The following RGS21 variants were observed in gnomAD, a reference collection of about 807,000 sequenced individuals.
RGS21 encodes regulator of G protein signaling 21, also known as regulator of G-protein signalling 21.
Under a neutral mutation model 18.7 loss-of-function variants are expected in RGS21, and 19 were observed. That is an observed-to-expected ratio of 1.01 (90% CI 0.71 to 1.49). The LOEUF is 1.49. Among genes scored for constraint, RGS21 ranks in the 40% most tolerant of loss-of-function variants. The pLI is 0.00. For missense variants in RGS21, 194 were observed against 176.8 expected, an observed-to-expected ratio of 1.10 and a Z score of -0.55; for synonymous variants, 56 against 57.8, an observed-to-expected ratio of 0.97 and a Z score of 0.14.
chr1:192,359,655 G>GTGTATATA (rs1553241170), intron 4 of RGS21, among the ~76,000 whole-genome samples: 16 of 124,274 alleles, frequency 1.3e-4, no homozygotes, highest in African/African-American at 1.8e-4. Context: ...GTGTGTGTGT[G>GTGTATATA]TATATATATA....
At chr1:192,360,646 C>T (rs908344968) in intron 4 of RGS21, among the ~76,000 whole-genome samples, 1 of 152,076 alleles carries the variant, frequency 6.6e-6, no homozygotes, top group Non-Finnish European at 1.5e-5. Flanking sequence ...TTAAAATTCT[C>T]CTCGTTGGCC....
At chr1:192,331,804 C>A (rs2102225230) in intron 1 of RGS21, among the ~76,000 whole-genome samples, 1 of 151,862 alleles carries the variant, frequency 6.6e-6, no homozygotes, top group South Asian at 2.1e-4. Context: ...ACACAAGGGT[C>A]TCTACTTTTG....
intron 1 of RGS21, among the ~76,000 whole-genome samples, chr1:192,324,963 CAG>C (rs1658547240): frequency 6.6e-6 from 1 of 152,026 alleles, no homozygotes; most frequent in Non-Finnish European, 1.5e-5. Context: ...TTGGTGATAA[CAG>C]AGTTAAATCT....
At chr1:192,328,345 G>T (rs1658598313) in intron 1 of RGS21, among the ~76,000 whole-genome samples, 1 of 152,136 alleles carries the variant, frequency 6.6e-6, no homozygotes, top group Admixed American at 6.5e-5. Flanking sequence ...AACACAGATG[G>T]TTACCTAAAA....
intron 4 of RGS21, among the ~76,000 whole-genome samples, chr1:192,353,388 T>C (rs1186132837): frequency 6.6e-6 from 1 of 151,946 alleles, no homozygotes; most frequent in Non-Finnish European, 1.5e-5. Context: ...AACATTTATT[T>C]CCAAGTCATC....
intron 1 of RGS21, among the ~76,000 whole-genome samples, chr1:192,329,218 G>C (rs989098207): frequency 6.6e-6 from 1 of 151,994 alleles, no homozygotes; most frequent in Non-Finnish European, 1.5e-5. Flanking sequence ...CAGTGATATT[G>C]AGTATCTAAC....
chr1:192,337,495 C>A (rs924271926), intron 1 of RGS21, among the ~76,000 whole-genome samples: 1 of 152,012 alleles, frequency 6.6e-6, no homozygotes, highest in African/African-American at 2.4e-5. Flanking sequence ...TCTCCCATGA[C>A]TGCTACTCTG....
chr1:192,334,525 T>C (rs1248090409), intron 1 of RGS21, among the ~76,000 whole-genome samples: 1 of 152,128 alleles, frequency 6.6e-6, no homozygotes, highest in Admixed American at 6.5e-5. Flanking sequence ...TGGACATTGT[T>C]TCTATTTCTA....
chr1:192,338,955 C>G (rs1658811423), intron 1 of RGS21, among the ~76,000 whole-genome samples: 1 of 152,048 alleles, frequency 6.6e-6, no homozygotes, highest in South Asian at 2.1e-4. Flanking sequence ...TTTAGCCCTT[C>G]CCCTTTCTAG....
At chr1:192,348,959 TAGAAATAATTAG>T (rs372042710) in intron 3 of RGS21, among the ~76,000 whole-genome samples, 77,559 of 151,942 alleles carry the variant, frequency 0.51, 20,883 homozygotes, top group African/African-American at 0.65. Flanking sequence ...TAGAAATAAT[TAGAAATAATTAG>T]AAAGTATAAA....
At chr1:192,335,586 C>A (rs893785105) in intron 1 of RGS21, among the ~76,000 whole-genome samples, 6 of 152,140 alleles carry the variant, frequency 3.9e-5, no homozygotes, top group Non-Finnish European at 8.8e-5. Flanking sequence ...AAGACTGTGT[C>A]TCTACCTTAG....
At chr1:192,322,976 A>C (rs1658517104) in intron 1 of RGS21, among the ~76,000 whole-genome samples, 1 of 152,058 alleles carries the variant, frequency 6.6e-6, no homozygotes, top group African/African-American at 2.4e-5. Context: ...TAAAATATTA[A>C]GGGGGCGGGG....
At chr1:192,350,990 G>A (rs543142576) in intron 3 of RGS21, among the ~76,000 whole-genome samples, 1 of 152,282 alleles carries the variant, frequency 6.6e-6, no homozygotes, top group East Asian at 1.9e-4. Context: ...ATCACCGACT[G>A]CAAGCCCTGT....
intron 1 of RGS21, among the ~76,000 whole-genome samples, chr1:192,333,072 C>T (rs993891729): frequency 2.0e-5 from 3 of 151,742 alleles, no homozygotes; most frequent in Admixed American, 2.0e-4. Flanking sequence ...AAAAAAGGGT[C>T]AACATCACGA....
chr1:192,322,254 T>C (rs1253284455), intron 1 of RGS21, among the ~76,000 whole-genome samples: 1 of 136,500 alleles, frequency 7.3e-6, no homozygotes, highest in Non-Finnish European at 1.6e-5. Flanking sequence ...AAATTTTGTG[T>C]CAGCAGAAAA....
chr1:192,365,599 A>C (rs1412704803), intron 4 of RGS21, among the ~76,000 whole-genome samples: 3 of 152,166 alleles, frequency 2.0e-5, no homozygotes, highest in Non-Finnish European at 4.4e-5. Context: ...ACTCAGTTCA[A>C]AGTGTTAGAA....
At chr1:192,319,144 G>A (rs888722450) in intron 1 of RGS21, among the ~76,000 whole-genome samples, 1 of 152,124 alleles carries the variant, frequency 6.6e-6, no homozygotes, top group Non-Finnish European at 1.5e-5. Flanking sequence ...AGCTACTTGG[G>A]AGGCTGAGGA....
chr1:192,317,970 A>G (rs1046432577), intron 1 of RGS21, among the ~76,000 whole-genome samples: 1 of 152,036 alleles, frequency 6.6e-6, no homozygotes, highest in Non-Finnish European at 1.5e-5. Context: ...TTACTAGTAC[A>G]TGTATTATAG....
intron 2 of RGS21, among the ~76,000 whole-genome samples, chr1:192,345,894 T>A (rs746108506): frequency 3.3e-5 from 5 of 152,076 alleles, no homozygotes; most frequent in Admixed American, 6.6e-5. Flanking sequence ...AGTAACAGGT[T>A]ATAGAGTACA....
Sources: gnomAD v4.1 joint callset for allele counts (sites outside exome capture counted in the v4.1 genomes callset) on GRCh38, gnomAD v4.1.1 for gene constraint, MANE v1.5 for transcripts, NCBI Gene and HGNC (gene_info 2026-07-23, HGNC 2026-07-21) for gene names.